DCDC1: variants seen among roughly 807,000 people sequenced by gnomAD.
DCDC1 encodes the protein doublecortin domain containing 1.
Under a neutral mutation model 178.3 loss-of-function variants are expected in DCDC1, and 200 were observed. The observed-to-expected ratio is 1.12, with a 90% CI of 1.00 to 1.26. The LOEUF (loss-of-function observed/expected upper bound fraction) is 1.26. DCDC1 is among the 50% of genes most tolerant of loss of function. The pLI, the probability that DCDC1 is intolerant of heterozygous loss-of-function variation, is 0.00. For missense variants in DCDC1, 1,983 were observed against 1,749.2 expected, an observed-to-expected ratio of 1.13 and a Z score of -2.38; for synonymous variants, 690 against 604.8, an observed-to-expected ratio of 1.14 and a Z score of -2.07.
Position 31,296,181 on chromosome 11 carries a change from G to A in DCDC1, c.755-5329C>T, listed in dbSNP as rs189804524. On this transcript the variant is annotated intron_variant, in intron 6 of 38. Coordinates refer to ENST00000684477, the MANE Select transcript of DCDC1 (RefSeq NM_001387274.1). ...GAGTGTATCCTATGTGCCAGATTCT[G>A]TGCAAGGAATATGAAAAAAGACACA... 2.6e-5 allele frequency among the ~76,000 whole-genome samples: 4 copies of A among 152,290 alleles called. No homozygotes were observed. In the East Asian group the frequency reaches 7.7e-4, roughly 29 times the overall value.
In DCDC1 at chr11:31,213,495, G is replaced by A. The variant is rs2554054; in HGVS notation, c.1221+27955C>T. Among the ~76,000 whole-genome samples, 1,054 of 152,032 alleles carry A rather than the reference G, an allele frequency of 6.9e-3. 11 individuals carry two copies. The highest frequency in any genetic ancestry group is 0.024 in the African/African-American group (998 of 41,434). On this transcript the variant is annotated intron_variant, in intron 9 of 38. Transcript: ENST00000684477. Reference sequence around the variant, plus strand: ...CCAGCACTTTGGGAGGCCGAGATGGGCGAATCACAAGGTCAGGAGTTTGAG... The same window carrying A: ...CCAGCACTTTGGGAGGCCGAGATGGACGAATCACAAGGTCAGGAGTTTGAG...
At chr11:31,095,928 T>C (rs1277906371) in intron 15 of DCDC1, among the ~76,000 whole-genome samples, 1 of 152,232 alleles carries the variant, frequency 6.6e-6, no homozygotes, top group African/African-American at 2.4e-5. Flanking sequence ...TAAAACCCAA[T>C]AAATGATGTT....
chr11:31,258,511 A>T (rs1242288641), intron 8 of DCDC1, among the ~76,000 whole-genome samples: 1 of 152,228 alleles, frequency 6.6e-6, no homozygotes, highest in African/African-American at 2.4e-5. Context: ...ACTTTCTGAA[A>T]GGAAGAAGTA....
At chr11:30,941,242 T>C (rs1565102517) in intron 21 of DCDC1, among the ~76,000 whole-genome samples, 1 of 152,162 alleles carries the variant, frequency 6.6e-6, no homozygotes, top group East Asian at 1.9e-4. Flanking sequence ...CAGCCCATTT[T>C]ACTCTATTGT....
intron 20 of DCDC1, among the ~76,000 whole-genome samples, chr11:30,991,645 T>C (rs1950989756): frequency 6.6e-6 from 1 of 152,190 alleles, no homozygotes; most frequent in Non-Finnish European, 1.5e-5. Context: ...TGATCTCTGC[T>C]GTCTCTTCCC....
rs1555100754 is a variant in DCDC1 at position 31,173,771 on chromosome 11, C to CATAA, written c.1222-35988_1222-35987insTTAT. 2.7e-5 allele frequency among the ~76,000 whole-genome samples: 4 copies of CATAA among 149,418 alleles called. No homozygotes were observed. The East Asian group carries it at 8.0e-4, about 30-fold the overall frequency. On this transcript the variant is annotated intron_variant, in intron 9 of 38. Transcript: ENST00000684477. ...ACACACACACACAAACACACACACA[C>CATAA]CCCCACATCTTTTTAGACATCTTTT...
intron 20 of DCDC1, among the ~76,000 whole-genome samples, chr11:30,971,614 T>TG (rs989327714): frequency 1.4e-5 from 2 of 140,096 alleles, no homozygotes; most frequent in African/African-American, 5.4e-5. Context: ...TTTTTTTTTT[T>TG]TTTTTTTTTT....
intron 20 of DCDC1, among the ~76,000 whole-genome samples, chr11:30,982,828 C>A (rs1197802423): frequency 6.6e-6 from 1 of 152,046 alleles, no homozygotes; most frequent in Non-Finnish European, 1.5e-5. Flanking sequence ...CAATGCGGCC[C>A]CATACTGAGA....
intron 20 of DCDC1, among the ~76,000 whole-genome samples, chr11:30,957,421 G>A (rs1238764426): frequency 6.6e-6 from 1 of 152,042 alleles, no homozygotes; most frequent in Non-Finnish European, 1.5e-5. Context: ...CCTCATCAGG[G>A]TTTTTACATT....
intron 7 of DCDC1, among the ~76,000 whole-genome samples, chr11:31,267,230 G>A (rs1945222384): frequency 2.0e-5 from 3 of 150,742 alleles, no homozygotes; most frequent in Non-Finnish European, 2.9e-5. Flanking sequence ...CACTCTGGTC[G>A]CCCAGGCTTG....
intron 20 of DCDC1, among the ~76,000 whole-genome samples, chr11:31,039,839 T>C (rs903376953): frequency 9.2e-5 from 14 of 152,164 alleles, no homozygotes; most frequent in African/African-American, 3.4e-4. Flanking sequence ...TGATAGTTGT[T>C]TCATAAATAT....
At chr11:31,226,364 A>G (rs1364077050) in intron 9 of DCDC1, among the ~76,000 whole-genome samples, 1 of 152,074 alleles carries the variant, frequency 6.6e-6, no homozygotes, top group Non-Finnish European at 1.5e-5. Context: ...TAGGAATAGA[A>G]AAAGTATTTT....
chr11:30,942,720 G>A (rs1015018447), intron 21 of DCDC1, among the ~76,000 whole-genome samples: 12 of 152,138 alleles, frequency 7.9e-5, no homozygotes, highest in Admixed American at 5.2e-4. Context: ...GCAGACATTG[G>A]CTTTGGCACT....
intron 35 of DCDC1, among the ~76,000 whole-genome samples, chr11:30,893,226 A>G (rs946925671): frequency 3.3e-5 from 5 of 152,186 alleles, no homozygotes; most frequent in African/African-American, 1.2e-4. Flanking sequence ...TAATAATAAT[A>G]AGGCACTCAT....
intron 9 of DCDC1, among the ~76,000 whole-genome samples, chr11:31,189,760 C>G (rs1052350875): frequency 2.6e-5 from 4 of 152,136 alleles, no homozygotes; most frequent in Admixed American, 6.5e-5. Flanking sequence ...ACTCCTGCCT[C>G]CCTCTTATAA....
At chr11:31,184,960 A>T (rs528568456) in intron 9 of DCDC1, among the ~76,000 whole-genome samples, 2 of 152,216 alleles carry the variant, frequency 1.3e-5, no homozygotes, top group African/African-American at 4.8e-5. Flanking sequence ...ACATGCACAC[A>T]TATGTTTATT....
At chr11:31,225,478 C>G (rs895102822) in intron 9 of DCDC1, among the ~76,000 whole-genome samples, 2 of 151,354 alleles carry the variant, frequency 1.3e-5, no homozygotes, top group Non-Finnish European at 3.0e-5. Flanking sequence ...AAGAACTTAT[C>G]CATGTAACCA....
At position 31,089,738 on chromosome 11, in the gene DCDC1, C is replaced by T. The variant is rs768247759; in HGVS notation, c.2237+1655G>A. Among the ~76,000 whole-genome samples, 91 of 151,514 alleles carry T rather than the reference C, an allele frequency of 6.0e-4. 1 individual carries two copies. The highest frequency in any genetic ancestry group is 2.5e-4 in the Non-Finnish European group (17 of 67,958). ...TCTGGCATTAGACATGTTTAGTATA[C>T]TTTGTCTCATATATTGTAGTTTTAA... On this transcript the variant is annotated intron_variant, in intron 17 of 38. Transcript: ENST00000684477.
At position 31,108,020 on chromosome 11, in the gene DCDC1, C is replaced by A. The variant is rs528825263; in HGVS notation, c.1588-1060G>T. Among the ~76,000 whole-genome samples, 10 of 152,264 alleles carry A rather than the reference C, an allele frequency of 6.6e-5. No homozygotes were observed. In the South Asian group the frequency reaches 2.1e-3, roughly 32 times the overall value. On this transcript the variant is annotated intron_variant, in intron 12 of 38. Transcript: ENST00000684477. The stretch of plus-strand genomic sequence containing the variant: ...AGGGTATATTGAGAAGTGCTAAATG[C>A]TGAGGCTTAGAGGAAAGAAGGGAAA...
Sources: gnomAD v4.1 joint callset for allele counts (sites outside exome capture counted in the v4.1 genomes callset) on GRCh38, gnomAD v4.1.1 for gene constraint, MANE v1.5 for transcripts, NCBI Gene and HGNC (gene_info 2026-07-23, HGNC 2026-07-21) for gene names.